The following GLT1D1 variants were observed in gnomAD, a reference collection of about 807,000 sequenced individuals.
GLT1D1 encodes the protein glycosyltransferase 1 domain containing 1.
A neutral mutation model predicts 28.7 loss-of-function variants in GLT1D1; 21 were observed. The ratio of observed to expected loss-of-function variants is 0.73; its 90% CI spans 0.52 to 1.05. GLT1D1 has a LOEUF of 1.05. Among genes scored for constraint, GLT1D1 ranks in the 50% least tolerant of loss-of-function variants. The pLI is 0.00. For missense variants in GLT1D1, 343 were observed against 330.6 expected (o/e 1.04, Z -0.29); for synonymous variants, 147 against 124.8 (o/e 1.18, Z -1.19).
chr12:128,943,943 T>C lies in GLT1D1; in HGVS notation c.376-1383T>C, dbSNP rs369391693. ...CTTTTCCGGGAAAATACGGAAGCTT[T>C]ATCAACCACTTATTAACTGAACAAA... On this transcript the variant is annotated intron_variant, in intron 4 of 7. Coordinates refer to ENST00000281703, the MANE Select transcript of GLT1D1 (RefSeq NM_144669.3). Among the ~76,000 whole-genome samples, 4 of 152,356 alleles carry C rather than the reference T, an allele frequency of 2.6e-5. No individual in the cohort carries two copies. In the South Asian group the frequency reaches 8.3e-4, roughly 32 times the overall value.
intron 1 of GLT1D1, among the ~76,000 whole-genome samples, chr12:128,867,418 A>AG (rs1285394032): frequency 1.7e-5 from 2 of 117,268 alleles, no homozygotes; most frequent in African/African-American, 6.4e-5. Flanking sequence ...AAAAAAAAAC[A>AG]GAAAAAAAAA....
At chr12:128,970,127 A>G (rs1878890320) in intron 7 of GLT1D1, among the ~76,000 whole-genome samples, 1 of 152,196 alleles carries the variant, frequency 6.6e-6, no homozygotes, top group South Asian at 2.1e-4. Context: ...TTCAGAAGGA[A>G]GAGGATGGTG....
chr12:128,963,912 C>A (rs1437623408), intron 7 of GLT1D1, among the ~76,000 whole-genome samples: 1 of 152,220 alleles, frequency 6.6e-6, no homozygotes, highest in African/African-American at 2.4e-5. Context: ...ATGAGCGACA[C>A]CTGTCTTAGT....
chr12:128,959,691 A>ACT (rs1410134914), intron 7 of GLT1D1, among the ~76,000 whole-genome samples: 2 of 152,284 alleles, frequency 1.3e-5, no homozygotes, highest in Admixed American at 1.3e-4. Flanking sequence ...CAGAATAGGA[A>ACT]GAGTTTTCAG....
intron 4 of GLT1D1, among the ~76,000 whole-genome samples, chr12:128,903,390 C>T (rs919122508): frequency 2.0e-5 from 3 of 151,732 alleles, no homozygotes; most frequent in Non-Finnish European, 4.4e-5. Flanking sequence ...AGCTTGCCTC[C>T]TTCCCATTGA....
chr12:128,917,501 C>T (rs554569936), intron 4 of GLT1D1, among the ~76,000 whole-genome samples: 2 of 152,102 alleles, frequency 1.3e-5, no homozygotes, highest in Non-Finnish European at 2.9e-5. Context: ...TGGTCTTCAA[C>T]TCCTGAGCTC....
In GLT1D1 at chr12:128,948,456, C is replaced by T. The variant is rs571322461; in HGVS notation, c.540+998C>T. Among the ~76,000 whole-genome samples the T allele has an allele frequency of 3.9e-5, 6 of 152,214 alleles. No individual in the cohort carries two copies. The East Asian group carries it at 9.7e-4, about 25-fold the overall frequency. On this transcript the variant is annotated intron_variant, in intron 6 of 7. Transcript: ENST00000281703. ...GCACCCAGGACCACAAGCCTGATTC[C>T]CTTGGTGGTTCTCAGCACACACACT...
intron 4 of GLT1D1, chr12:128,945,057 T>C: frequency 1.5e-6 from 1 of 648,462 alleles, no homozygotes; most frequent in East Asian, 2.7e-5. Flanking sequence ...GGCCAATTTC[T>C]GCGCCCCGCA....
intron 4 of GLT1D1, among the ~76,000 whole-genome samples, chr12:128,923,528 CTTT>C (rs547430064): frequency 1.4e-5 from 2 of 144,594 alleles, no homozygotes; most frequent in African/African-American, 5.1e-5. Flanking sequence ...TTTTTCTTTT[CTTT>C]TTTTTTTTGA....
At chr12:128,955,086 G>A (rs1877137679) in intron 6 of GLT1D1, among the ~76,000 whole-genome samples, 2 of 152,190 alleles carry the variant, frequency 1.3e-5, no homozygotes, top group South Asian at 2.1e-4. Flanking sequence ...AGGTTGAGAT[G>A]TTGACCCAAG....
At chr12:128,919,976 TCTCTCTCTCTCTCTCCCCCTCC>T (rs758606725) in intron 4 of GLT1D1, among the ~76,000 whole-genome samples, 3 of 26,742 alleles carry the variant, frequency 1.1e-4, no homozygotes, top group African/African-American at 2.3e-4. Context: ...TCTCTCTCTC[TCTCTCTCTCTCTCTCCCCCTCC>T]ATCTCTCTCT....
chr12:128,907,465 C>A (rs1262865759), intron 4 of GLT1D1, among the ~76,000 whole-genome samples: 1 of 152,094 alleles, frequency 6.6e-6, no homozygotes, highest in Admixed American at 6.6e-5. Flanking sequence ...GCCACCACAC[C>A]CAGCTAATTT....
At position 128,982,858 on chromosome 12, in the gene GLT1D1, G is replaced by A. The variant is rs564496826; in HGVS notation, c.640-71G>A. The A allele has an allele frequency of 1.4e-4, 207 of 1,431,116 alleles. 2 individuals are homozygous for A. The African/African-American group carries it at 2.7e-3, about 18-fold the overall frequency. 88.7% of individuals were successfully genotyped at this position (1,431,116 alleles called of 1,614,324 possible). Reference sequence around the variant, plus strand: ...AAGGCCAGCAGCCAATGCAGACACAGGATCTTGGGTGCATTTGCAAAATCT... The same window carrying A: ...AAGGCCAGCAGCCAATGCAGACACAAGATCTTGGGTGCATTTGCAAAATCT... On this transcript the variant is annotated intron_variant, in intron 7 of 7. Coordinates refer to ENST00000281703, the MANE Select transcript of GLT1D1 (RefSeq NM_144669.3).
chr12:128,908,563 T>G (rs1871193745), intron 4 of GLT1D1, among the ~76,000 whole-genome samples: 1 of 150,962 alleles, frequency 6.6e-6, no homozygotes, highest in Non-Finnish European at 1.5e-5. Flanking sequence ...ATTGTTCTCC[T>G]ACCCAAGGCG....
At chr12:128,944,456 GT>G in intron 4 of GLT1D1, 1 of 1,336,150 alleles carries the variant, frequency 7.5e-7, no homozygotes. Flanking sequence ...ACCATCTCTG[GT>G]TTATCATCCT....
chr12:128,936,839 A>T (rs1202768110), intron 4 of GLT1D1, among the ~76,000 whole-genome samples: 1 of 152,166 alleles, frequency 6.6e-6, no homozygotes, highest in Non-Finnish European at 1.5e-5. Flanking sequence ...GCCCTTTAAA[A>T]TTTCATGACA....
intron 4 of GLT1D1, among the ~76,000 whole-genome samples, chr12:128,940,509 G>A (rs953206923): frequency 3.3e-5 from 5 of 152,136 alleles, no homozygotes; most frequent in African/African-American, 7.2e-5. Context: ...CTCTGTATCC[G>A]GAGTCCCCTC....
intron 6 of GLT1D1, among the ~76,000 whole-genome samples, chr12:128,951,863 C>T (rs552332320): frequency 1.3e-5 from 2 of 152,376 alleles, no homozygotes; most frequent in African/African-American, 4.8e-5. Flanking sequence ...TCAGATTACA[C>T]TGAAGTCTCT....
intron 4 of GLT1D1, chr12:128,944,684 C>A (rs1275753979): frequency 4.3e-6 from 3 of 701,684 alleles, no homozygotes. Flanking sequence ...GGAAAACTAT[C>A]CAACAGCTAG....
Sources: gnomAD v4.1 joint callset for allele counts (sites outside exome capture counted in the v4.1 genomes callset) on GRCh38, gnomAD v4.1.1 for gene constraint, MANE v1.5 for transcripts, NCBI Gene and HGNC (gene_info 2026-07-23, HGNC 2026-07-21) for gene names.